The following PYY variants were observed in gnomAD, a reference collection of about 807,000 sequenced individuals.
The protein encoded by PYY is peptide YY, also known as peptide tyrosine tyrosine.
Under a neutral mutation model 10.3 loss-of-function variants are expected in PYY, and 12 were observed. The ratio of observed to expected loss-of-function variants is 1.17; its 90% CI spans 0.75 to 1.89. PYY has a LOEUF of 1.89. PYY is among the 40% of genes most tolerant of loss of function. PYY has a pLI of 0.00. For synonymous variants in PYY, 66 were observed against 62.0 expected (o/e 1.06, Z -0.30); for missense variants, 141 against 134.0 (o/e 1.05, Z -0.26).
chr17:43,976,245 A>G (rs550725778), intron 1 of PYY, among the ~76,000 whole-genome samples: 1 of 118,812 alleles, frequency 8.4e-6, no homozygotes, highest in South Asian at 2.6e-4. Flanking sequence ...GCGTATATAT[A>G]CACATATGTA....
upstream of PYY, among the ~76,000 whole-genome samples, chr17:43,957,766 C>CT (rs1211451671): frequency 2.0e-5 from 3 of 152,040 alleles, no homozygotes; most frequent in Non-Finnish European, 4.4e-5. Context: ...TCCCAGTGCG[C>CT]TGGGAGACCA....
chr17:43,966,763 G>A (rs2048758088), intron 1 of PYY, among the ~76,000 whole-genome samples: 1 of 152,208 alleles, frequency 6.6e-6, no homozygotes, highest in Non-Finnish European at 1.5e-5. Flanking sequence ...CATGAGAGCA[G>A]AGGTTTTTGT....
intron 1 of PYY, chr17:44,004,385 A>C: frequency 6.2e-6 from 2 of 324,238 alleles, no homozygotes; most frequent in Non-Finnish European, 1.1e-5. Flanking sequence ...CGCCCCTGGA[A>C]CCTACCTTGG....
intron 1 of PYY, among the ~76,000 whole-genome samples, chr17:43,969,394 G>A (rs888260771): frequency 2.0e-5 from 3 of 150,724 alleles, no homozygotes; most frequent in Non-Finnish European, 4.4e-5. Context: ...GCGGGCACCT[G>A]TAATCCCAGC....
Position 43,953,488 on chromosome 17 carries a change from GAAGGCGACA to G in PYY, c.1-14_1-6del. 1 of 1,585,924 alleles carries G rather than the reference GAAGGCGACA, an allele frequency of 6.3e-7. No homozygotes were observed. Among genetic ancestry groups the G allele is most frequent in the Non-Finnish European group, 8.6e-7 (1 of 1,163,884 alleles). ...CGGCCTGCGCACGAACACCATCTGG[GAAGGCGACA>G]TTGGGACGTGGGTCATTCCAAGCCT... On this transcript the variant is annotated splice_polypyrimidine_tract_variant and splice_region_variant and intron_variant, in intron 1 of 3. Coordinates refer to ENST00000692052, the MANE Select transcript of PYY (RefSeq NM_001394028.1).
chr17:43,994,960 C>G (rs1174721376), intron 1 of PYY, among the ~76,000 whole-genome samples: 1 of 152,196 alleles, frequency 6.6e-6, no homozygotes, highest in Non-Finnish European at 1.5e-5. Flanking sequence ...CCCACTAGCA[C>G]CTCGGGAGGA....
intron 1 of PYY, among the ~76,000 whole-genome samples, chr17:44,002,064 A>G (rs9901119): frequency 0.16 from 24,324 of 152,166 alleles, 2,199 homozygotes; most frequent in Non-Finnish European, 0.2. Flanking sequence ...TGGCCCCACC[A>G]GGTAGGGGGT....
intron 1 of PYY, among the ~76,000 whole-genome samples, chr17:43,967,977 CTCT>C (rs2048766011): frequency 6.6e-6 from 1 of 152,132 alleles, no homozygotes; most frequent in Non-Finnish European, 1.5e-5. Context: ...CTCCATTTTT[CTCT>C]TCTTCATTCT....
At chr17:43,982,262 T>G (rs1597854103) in intron 1 of PYY, among the ~76,000 whole-genome samples, 1 of 152,148 alleles carries the variant, frequency 6.6e-6, no homozygotes, top group Admixed American at 6.5e-5. Context: ...TCTGAGAGTG[T>G]CAGGCCGGCA....
upstream of PYY, among the ~76,000 whole-genome samples, chr17:43,955,981 C>T (rs1401567959): frequency 6.6e-6 from 1 of 151,996 alleles, no homozygotes; most frequent in African/African-American, 2.4e-5. Context: ...AACCATGGTG[C>T]TGGTAGGGGA....
chr17:43,995,452 T>G (rs1036243901), intron 1 of PYY, among the ~76,000 whole-genome samples: 3 of 150,748 alleles, frequency 2.0e-5, no homozygotes, highest in Non-Finnish European at 4.4e-5. Context: ...TGCCTCAGCC[T>G]CCCGAGTAGC....
At chr17:43,966,950 A>C (rs1393442310) in intron 1 of PYY, among the ~76,000 whole-genome samples, 1 of 152,238 alleles carries the variant, frequency 6.6e-6, no homozygotes, top group African/African-American at 2.4e-5. Context: ...ACATACATGC[A>C]TATGTCTTGA....
At chr17:43,983,695 G>A (rs1207855621) in intron 1 of PYY, among the ~76,000 whole-genome samples, 2 of 152,232 alleles carry the variant, frequency 1.3e-5, no homozygotes, top group Admixed American at 6.5e-5. Flanking sequence ...CCGGGGCCGG[G>A]TCTTAGGCGC....
At position 43,953,172 on chromosome 17, in the gene PYY, C is replaced by T; in HGVS notation, c.206G>A (p.Gly69Asp). The change falls in exon 3 of 4, where the codon GGC (glycine) becomes GAC (aspartate). Residue 69 changes from glycine (G) to aspartate (D), a missense_variant. By Grantham distance (94) the Gly-to-Asp change is moderately conservative. Transcript: ENST00000692052. ...CGTTTTGGAAAGAAGCGTGTCCGGG[C>T]CGTCTCTTTTCCCATACCTGGGGGC... is the stretch of plus-strand genomic sequence containing the variant. The part of the protein sequence containing the change: ...VTRQRYGKRD[G>D]PDTLLSKTFF... The T allele has an allele frequency of 1.9e-6, 3 of 1,613,850 alleles. No homozygotes were observed. Among genetic ancestry groups the T allele is most frequent in the Non-Finnish European group, 2.5e-6 (3 of 1,179,830 alleles).
chr17:43,989,254 G>T (rs916616973), intron 1 of PYY, among the ~76,000 whole-genome samples: 3 of 151,896 alleles, frequency 2.0e-5, no homozygotes, highest in African/African-American at 4.8e-5. Flanking sequence ...GGCGCCTGTA[G>T]TCCCAGCTAC....
chr17:43,957,919 T>A (rs1323287351), upstream of PYY: 1 of 154,598 alleles, frequency 6.5e-6, no homozygotes, highest in Non-Finnish European at 1.5e-5. Context: ...GGAGCTCTCC[T>A]AGGAGCTCTC....
chr17:43,953,127 T>C lies in PYY; in HGVS notation c.251A>G (p.Asp84Gly), dbSNP rs1269763122. 4 of 1,613,686 alleles carry C rather than the reference T, an allele frequency of 2.5e-6. No homozygotes were observed. Among genetic ancestry groups the C allele is most frequent in the Non-Finnish European group, 3.4e-6 (4 of 1,179,844 alleles). Residue 84 changes from aspartate to glycine, a missense_variant, in exon 3 of 4, where the codon GAC becomes GGC. Transcript: ENST00000692052. ...CTTTTACCGCGACCTGACGGGGCGG[T>C]CCTCGCCGTCGGGGAAGAACGTTTT... Reference protein sequence around the residue: ...LSKTFFPDGEDRPVRSRSEGP... With the variant: ...LSKTFFPDGEGRPVRSRSEGP...
At chr17:43,960,314 G>C (rs1336474736) in intron 2 of PYY, among the ~76,000 whole-genome samples, 1 of 151,656 alleles carries the variant, frequency 6.6e-6, no homozygotes, top group Non-Finnish European at 1.5e-5. Flanking sequence ...AGGCCAAGGC[G>C]GGTGGGTCAC....
intron 1 of PYY, 107 bp downstream of exon 1, chr17:43,953,743 C>T (rs1298274575): frequency 2.7e-6 from 1 of 363,720 alleles, no homozygotes; most frequent in Non-Finnish European, 4.9e-6. Flanking sequence ...CCGATGGCCC[C>T]CTCCAATCCA....
Sources: gnomAD v4.1 joint callset for allele counts (sites outside exome capture counted in the v4.1 genomes callset) on GRCh38, gnomAD v4.1.1 for gene constraint, MANE v1.5 for transcripts, NCBI Gene and HGNC (gene_info 2026-07-23, HGNC 2026-07-21) for gene names.